GTPBP8: variants seen among roughly 807,000 people sequenced by gnomAD.
GTPBP8 encodes GTP-binding protein 8.
In GTPBP8, 21 loss-of-function variants were observed where a neutral mutation model predicts 27.3. That is an observed-to-expected ratio of 0.77 (90% CI 0.55 to 1.11). GTPBP8 has a LOEUF of 1.11. Among genes scored for constraint, GTPBP8 ranks in the 50% least tolerant of loss-of-function variants. The probability of loss-of-function intolerance (pLI) is 0.00; values close to 1 mark genes in which losing one functional copy is unlikely to be tolerated. For missense variants in GTPBP8, 380 were observed against 350.8 expected, an observed-to-expected ratio of 1.08 and a Z score of -0.67; for synonymous variants, 147 against 135.3, an observed-to-expected ratio of 1.09 and a Z score of -0.60.
At chr3:113,000,497 C>T (rs1237185849) in intron 5 of GTPBP8, among the ~76,000 whole-genome samples, 1 of 151,984 alleles carries the variant, frequency 6.6e-6, no homozygotes, top group Non-Finnish European at 1.5e-5. Context: ...ATAATATGTA[C>T]AATAATGGTG....
chr3:112,996,208 C>T (rs1338832828), intron 3 of GTPBP8, among the ~76,000 whole-genome samples: 1 of 152,086 alleles, frequency 6.6e-6, no homozygotes, highest in Admixed American at 6.5e-5. Flanking sequence ...CCTGTAATCT[C>T]AGCACTTTGG....
chr3:112,991,008 G>T lies in GTPBP8; in HGVS notation c.9G>T (p.Ala3=), dbSNP rs542445109. The T allele has an allele frequency of 6.9e-6, 11 of 1,592,034 alleles. No homozygotes were observed. The highest frequency in any genetic ancestry group is 6.7e-5 in the South Asian group (6 of 89,844). ...TCTTCTGGGAAGGGAGAATGGCGGC[G>T]CCCGGGCTGCGGCTGGGAGCGGGAA... MA[A]PGLRLGAGRL... The change falls in exon 1 of 6, where the codon GCG becomes GCT. Residue 3 remains alanine (A), a synonymous_variant. Transcript: ENST00000383678.
In GTPBP8 at chr3:112,991,116, GC is replaced by G. The variant is rs1389499010; in HGVS notation, c.119del (p.Pro40ArgfsTer5). 1 of 1,613,232 alleles carries G rather than the reference GC, an allele frequency of 6.2e-7. No individual in the cohort carries two copies. Among genetic ancestry groups the G allele is most frequent in the Non-Finnish European group, 8.5e-7 (1 of 1,179,958 alleles). Reference sequence around the variant, plus strand: ...AAGCTTTTGCTGAGGTGCTGCGGCTGCCGAAGCAGCAGCTGAGGAAGCTGCT... The same window carrying G: ...AAGCTTTTGCTGAGGTGCTGCGGCTGCGAAGCAGCAGCTGAGGAAGCTGCT... The part of the protein sequence containing the change: ...SQAFAEVLRL[P>X]KQQLRKLLYP... On this transcript the variant is annotated frameshift_variant, in exon 1 of 6. Transcript: ENST00000383678. LOFTEE classifies it high-confidence loss of function.
At chr3:112,993,748 TG>T (rs1933730897) in intron 2 of GTPBP8, among the ~76,000 whole-genome samples, 1 of 152,174 alleles carries the variant, frequency 6.6e-6, no homozygotes, top group South Asian at 2.1e-4. Context: ...TGTATGTGCG[TG>T]CACGAACGCA....
In GTPBP8 at chr3:112,991,353, C is replaced by G. The variant is rs745929787; in HGVS notation, c.336+18C>G. The G allele has an allele frequency of 1.9e-6, 3 of 1,607,666 alleles. No individual in the cohort carries two copies. The highest frequency in any genetic ancestry group is 1.1e-5 in the South Asian group (1 of 90,954). ...GGCCAGAGGTGAGAGGCGATTCTCA[C>G]GGTTCACCTGCGCGCCGGCGTCACA... On this transcript the variant is annotated intron_variant, in intron 1 of 5. Coordinates refer to ENST00000383678, the MANE Select transcript of GTPBP8 (RefSeq NM_014170.4).
chr3:112,999,819 A>G (rs56084056), intron 5 of GTPBP8, among the ~76,000 whole-genome samples: 1 of 151,978 alleles, frequency 6.6e-6, no homozygotes, highest in East Asian at 1.9e-4. Flanking sequence ...ATTCTTATGC[A>G]TTTGTGTCCT....
chr3:112,993,021 A>G lies in GTPBP8; in HGVS notation c.337-5A>G. 1 of 1,547,738 alleles carries G rather than the reference A, an allele frequency of 6.5e-7. No homozygotes were observed. The highest frequency in any genetic ancestry group is 1.1e-5 in the South Asian group (1 of 88,620). On this transcript the variant is annotated splice_region_variant and splice_polypyrimidine_tract_variant and intron_variant, in intron 1 of 5. Transcript: ENST00000383678. ...ACGTACTTATCTTGTTTTTTCTTGTATAAGGTGTGTTTTATAGGCAGAAGC... is the reference window on the plus strand; with the variant it reads ...ACGTACTTATCTTGTTTTTTCTTGTGTAAGGTGTGTTTTATAGGCAGAAGC...
chr3:112,999,357 C>G, intron 4 of GTPBP8, 89 bp from the exon 5 acceptor site: 2 of 540,876 alleles, frequency 3.7e-6, no homozygotes, highest in South Asian at 3.0e-5. Context: ...CACGGGTCAC[C>G]TAGTTGTAAA....
At chr3:112,992,562 G>C (rs2107365646) in intron 1 of GTPBP8, 1 of 153,964 alleles carries the variant, frequency 6.5e-6, no homozygotes, top group South Asian at 2.0e-4. Context: ...AATTGCAGTG[G>C]TGTTACAGTA....
At chr3:112,994,652 G>A (rs1191908411) in intron 2 of GTPBP8, among the ~76,000 whole-genome samples, 3 of 152,180 alleles carry the variant, frequency 2.0e-5, no homozygotes, top group Admixed American at 6.5e-5. Context: ...GGAAGCAATA[G>A]TCTAGGTATA....
At position 112,991,255 on chromosome 3, in the gene GTPBP8, A is replaced by G. The variant is rs745724180; in HGVS notation, c.256A>G (p.Thr86Ala). The G allele has an allele frequency of 2.5e-6, 4 of 1,613,940 alleles. No individual in the cohort carries two copies. The highest frequency in any genetic ancestry group is 3.4e-6 in the Non-Finnish European group (4 of 1,180,014). The change falls in exon 1 of 6, where the codon ACG (threonine) becomes GCG (alanine). Residue 86 changes from threonine (T) to alanine (A), a missense_variant. Physicochemically the swap from Thr to Ala is moderately conservative, Grantham distance 58. Coordinates refer to ENST00000383678, the MANE Select transcript of GTPBP8 (RefSeq NM_014170.4). The stretch of plus-strand genomic sequence containing the variant: ...CATAGCCAGGGCGGACAACATCTTC[A>G]CGGCCACTGAACGGAACCGCATCGA... ...EDIARADNIF[T>A]ATERNRIDYV...
chr3:112,991,188 G>A lies in GTPBP8; in HGVS notation c.189G>A (p.Arg63=). The change falls in exon 1 of 6, where the codon AGG becomes AGA. Residue 63 remains arginine, a synonymous_variant. Transcript: ENST00000383678. ...EVERFLAPYG[R]QDLHLRIFDP... ...AGCGGTTCCTCGCCCCCTACGGGAG[G>A]CAAGACCTTCACCTGCGTATCTTTG... 1 of 1,614,180 alleles carries A rather than the reference G, an allele frequency of 6.2e-7. No homozygotes were observed. The highest frequency in any genetic ancestry group is 8.5e-7 in the Non-Finnish European group (1 of 1,180,026).
At chr3:112,997,350 T>C (rs572167823) in intron 4 of GTPBP8, among the ~76,000 whole-genome samples, 1 of 152,348 alleles carries the variant, frequency 6.6e-6, no homozygotes, top group South Asian at 2.1e-4. Flanking sequence ...ATAGTACTTA[T>C]AAGAATGTGA....
Position 113,001,940 on chromosome 3 carries a change from G to T in GTPBP8, c.*1021G>T, listed in dbSNP as rs1477855240. ...AATATTAAAAGGTTATAGCTGTATT[G>T]CTGGATAACAAATTAAAGCTATAAA... On this transcript the variant is annotated 3_prime_UTR_variant, in exon 6 of 6. Transcript: ENST00000383678. 2 of 152,160 alleles carry T rather than the reference G, an allele frequency of 1.3e-5. No individual in the cohort carries two copies. The highest frequency in any genetic ancestry group is 2.9e-5 in the Non-Finnish European group (2 of 68,030). 9.4% of individuals were successfully genotyped at this position (152,160 alleles called of 1,614,324 possible). A position where few individuals can be genotyped will look rare whatever the true frequency, so the allele number is the denominator to read the frequency against.
chr3:112,991,392 C>T (rs1187146925), intron 1 of GTPBP8, 57 bp downstream of exon 1: 6 of 1,496,146 alleles, frequency 4.0e-6, no homozygotes, highest in Non-Finnish European at 4.7e-6. Context: ...CTAACCGCTT[C>T]CCTGGCCGTC....
rs1015274778 is a variant in GTPBP8, at chr3:112,996,953, G to A, written c.628G>A (p.Ala210Thr). The stretch of plus-strand genomic sequence containing the variant: ...TGGAATTCAAAAAACAGACAATATT[G>A]CCATAGAAATGTGTGAAGAATTTGC... ...VVGIQKTDNI[A>T]IEMCEEFALP... Residue 210 changes from alanine to threonine, a missense_variant, in exon 4 of 6, where the codon GCC becomes ACC. Physicochemically the swap from Ala to Thr is moderately conservative, Grantham distance 58 (BLOSUM62 0). Coordinates refer to ENST00000383678, the MANE Select transcript of GTPBP8 (RefSeq NM_014170.4). The A allele has an allele frequency of 3.2e-6, 5 of 1,575,582 alleles. No homozygotes were observed. The African/African-American group carries it at 6.7e-5, about 21-fold the overall frequency.
intron 2 of GTPBP8, among the ~76,000 whole-genome samples, 182 bp downstream of exon 2, chr3:112,993,306 C>T (rs1013083659): frequency 4.6e-5 from 7 of 151,674 alleles, no homozygotes; most frequent in Non-Finnish European, 4.4e-5. Flanking sequence ...GGAAGTGTAG[C>T]TGGATTTATT....
At chr3:112,991,518 ATTG>A (rs748630862) in intron 1 of GTPBP8, 183 bp downstream of exon 1, 93 of 714,606 alleles carry the variant, frequency 1.3e-4, no homozygotes, top group Non-Finnish European at 1.9e-4. Context: ...CGAGAAACCC[ATTG>A]TTAAGTACAA....
chr3:112,993,543 ATTC>A (rs1437340574), intron 2 of GTPBP8, among the ~76,000 whole-genome samples: 2 of 152,174 alleles, frequency 1.3e-5, no homozygotes, highest in African/African-American at 4.8e-5. Context: ...CATTCGGCAT[ATTC>A]TTATGTGCTT....
Sources: allele counts gnomAD v4.1 joint callset (sites outside exome capture counted in the v4.1 genomes callset), GRCh38; gene constraint gnomAD v4.1.1; transcripts MANE v1.5; gene names NCBI Gene and HGNC (gene_info 2026-07-23, HGNC 2026-07-21).